PCDHGA9: variants seen among roughly 807,000 people sequenced by gnomAD.
The protein encoded by PCDHGA9 is protocadherin gamma-A9.
In PCDHGA9, 37 loss-of-function variants were observed where a neutral mutation model predicts 62.5. The ratio of observed to expected loss-of-function variants is 0.59; its 90% CI spans 0.46 to 0.78. PCDHGA9 has a LOEUF of 0.78. Among genes scored for constraint, PCDHGA9 ranks in the 30% least tolerant of loss-of-function variants. The probability of loss-of-function intolerance (pLI) is 0.00; values close to 1 mark genes in which losing one functional copy is unlikely to be tolerated. For missense variants in PCDHGA9, 1,138 were observed against 1,166.2 expected (o/e 0.98, Z 0.35); for synonymous variants, 459 against 484.6 (o/e 0.95, Z 0.69).
Position 141,489,753 on chromosome 5 carries a change from T to A in PCDHGA9, c.2425-5054T>A, listed in dbSNP as rs549652158. On this transcript the variant is annotated intron_variant, in intron 1 of 3. Transcript: ENST00000573521. The surrounding 1 kb of genome is among the most constrained non-coding windows in gnomAD (Gnocchi z 4.5). ...GCACCAATACTGTGAGCTTTTACAC[T>A]CTAAGCCCCAACAGCCACTTCTCTC... 6.2e-7 allele frequency: 1 copy of A among 1,614,070 alleles called. No homozygotes were observed. The highest frequency in any genetic ancestry group is 2.2e-5 in the East Asian group (1 of 44,866).
chr5:141,421,069 A>T, intron 1 of PCDHGA9: 1 of 598,532 alleles, frequency 1.7e-6, no homozygotes, highest in Non-Finnish European at 2.8e-6. Context: ...AAGCGGAATG[A>T]GATGGATACT....
intron 3 of PCDHGA9, among the ~76,000 whole-genome samples, chr5:141,506,485 A>C (rs2154593953): frequency 6.6e-6 from 1 of 150,572 alleles, no homozygotes; most frequent in East Asian, 2.0e-4. Flanking sequence ...CTTTAGAGGC[A>C]GGCCAATCTG....
In PCDHGA9 at chr5:141,476,853, A is replaced by G; in HGVS notation, c.2425-17954A>G. ...AATGACAATGCGCCTGTCTTCAACCAGTCCTTGTACCGGGCGCGCGTCCTG... is the reference window on the plus strand; with the variant it reads ...AATGACAATGCGCCTGTCTTCAACCGGTCCTTGTACCGGGCGCGCGTCCTG... On this transcript the variant is annotated intron_variant, in intron 1 of 3. Coordinates refer to ENST00000573521, the MANE Select transcript of PCDHGA9 (RefSeq NM_018921.3). This position sits in a 1 kb window ranked among gnomAD's most constrained non-coding sequence, Gnocchi z 7.6. The G allele has an allele frequency of 6.2e-7, 1 of 1,613,870 alleles. No individual in the cohort carries two copies. Among genetic ancestry groups the G allele is most frequent in the Non-Finnish European group, 8.5e-7 (1 of 1,180,042 alleles).
In PCDHGA9 at chr5:141,403,430, C is replaced by A; in HGVS notation, c.478C>A (p.Pro160Thr). The A allele has an allele frequency of 6.2e-7, 1 of 1,614,022 alleles. No homozygotes were observed. The highest frequency in any genetic ancestry group is 8.5e-7 in the Non-Finnish European group (1 of 1,179,898). Residue 160 changes from proline (P) to threonine (T), a missense_variant, in exon 1 of 4, where the codon CCG becomes ACG. Transcript: ENST00000573521. ...ARYPLPEAID[P>T]DVGVNSLQSY... is the part of the protein sequence containing the mutation. ...TTATCCACTTCCAGAAGCTATTGATCCGGATGTTGGCGTGAACTCCCTCCA... is the reference window on the plus strand; with the variant it reads ...TTATCCACTTCCAGAAGCTATTGATACGGATGTTGGCGTGAACTCCCTCCA...
Position 141,491,826 on chromosome 5 carries a change from C to A in PCDHGA9, c.2425-2981C>A. 1 of 1,477,526 alleles carries A rather than the reference C, an allele frequency of 6.8e-7. No homozygotes were observed. The highest frequency in any genetic ancestry group is 9.0e-7 in the Non-Finnish European group (1 of 1,114,486). The allele number at this position is 1,477,526 out of a possible 1,614,324, so 91.5% of individuals were successfully genotyped here. A position where few individuals can be genotyped will look rare whatever the true frequency, so the allele number is the denominator to read the frequency against. ...GGCTTGGTCGCTGGCTGCGCTCCAC[C>A]CGATTCTCGGGATCATTGGACCGTT... On this transcript the variant is annotated intron_variant, in intron 1 of 3. Transcript: ENST00000573521. The surrounding 1 kb of genome is among the most constrained non-coding windows in gnomAD (Gnocchi z 6.9).
At position 141,432,957 on chromosome 5, in the gene PCDHGA9, C is replaced by T. The variant is rs2097553676; in HGVS notation, c.2424+27581C>T. 1 of 1,614,190 alleles carries T rather than the reference C, an allele frequency of 6.2e-7. No individual in the cohort carries two copies. The highest frequency in any genetic ancestry group is 8.5e-7 in the Non-Finnish European group (1 of 1,180,030). ...CTGCAGGCTTCAGGAGGCGGCTTGA[C>T]AGGAGCGCCGGCGTCGCACTTTGTG... On this transcript the variant is annotated intron_variant, in intron 1 of 3. Coordinates refer to ENST00000573521, the MANE Select transcript of PCDHGA9 (RefSeq NM_018921.3). This position sits in a 1 kb window ranked among gnomAD's most constrained non-coding sequence, Gnocchi z 6.0.
At position 141,410,196 on chromosome 5, in the gene PCDHGA9, C is replaced by A. The variant is rs773310778; in HGVS notation, c.2424+4820C>A. 7.4e-6 allele frequency: 12 copies of A among 1,613,866 alleles called. No individual in the cohort carries two copies. In the South Asian group the frequency reaches 1.2e-4, roughly 16 times the overall value. On this transcript the variant is annotated intron_variant, in intron 1 of 3. Transcript: ENST00000573521. ...ACCGCCACGCTTCATCTGGTCTTCG[C>A]AGACAACTTGCAAGAGATACTGCCA... is the stretch of plus-strand genomic sequence containing the variant.
intron 1 of PCDHGA9, chr5:141,419,343 A>G: frequency 6.2e-7 from 1 of 1,613,806 alleles, no homozygotes; most frequent in East Asian, 2.2e-5. Flanking sequence ...ATTGCCAGCG[A>G]CCTGGAGTCA....
In PCDHGA9 at chr5:141,431,048, A is replaced by G; in HGVS notation, c.2424+25672A>G. The G allele has an allele frequency of 6.2e-7, 1 of 1,614,180 alleles. No homozygotes were observed. Among genetic ancestry groups the G allele is most frequent in the Non-Finnish European group, 8.5e-7 (1 of 1,180,018 alleles). The stretch of plus-strand genomic sequence containing the variant: ...CAGGATAGACCGGGAGGAGCTCTGT[A>G]TGGGGGCCATCAAGTGTCAATTAAA... On this transcript the variant is annotated intron_variant, in intron 1 of 3. Coordinates refer to ENST00000573521, the MANE Select transcript of PCDHGA9 (RefSeq NM_018921.3). This position sits in a 1 kb window ranked among gnomAD's most constrained non-coding sequence, Gnocchi z 4.8.
chr5:141,486,843 A>G lies in PCDHGA9; in HGVS notation c.2425-7964A>G, dbSNP rs1455684942. On this transcript the variant is annotated intron_variant, in intron 1 of 3. Coordinates refer to ENST00000573521, the MANE Select transcript of PCDHGA9 (RefSeq NM_018921.3). The surrounding 1 kb of genome is among the most constrained non-coding windows in gnomAD (Gnocchi z 5.0). ...GTAACAGTTCGTCTATTTGTGCTGG[A>G]CCTCAATGACAATGCTCCAGCTGTG... 6.2e-7 allele frequency: 1 copy of G among 1,614,214 alleles called. No homozygotes were observed. Among genetic ancestry groups the G allele is most frequent in the Admixed American group, 1.7e-5 (1 of 60,034 alleles).
At position 141,462,908 on chromosome 5, in the gene PCDHGA9, T is replaced by G. The variant is rs186061013; in HGVS notation, c.2425-31899T>G. ...AGTTTGTTTTGGAAGGCTATTATGT[T>G]TTTTGCAGATCAGGTTGATCTTTTC... On this transcript the variant is annotated intron_variant, in intron 1 of 3. Coordinates refer to ENST00000573521, the MANE Select transcript of PCDHGA9 (RefSeq NM_018921.3). Among the ~76,000 whole-genome samples the G allele has an allele frequency of 1.4e-4, 21 of 152,362 alleles. No individual in the cohort carries two copies. The East Asian group carries it at 3.5e-3, about 25-fold the overall frequency.
rs182282975 is a variant in PCDHGA9 at position 141,420,903 on chromosome 5, A to G, written c.2424+15527A>G. The G allele has an allele frequency of 1.7e-5, 5 of 296,804 alleles. No individual in the cohort carries two copies. In the Admixed American group the frequency reaches 1.8e-4, roughly 11 times the overall value. The allele number at this position is 296,804 out of a possible 1,614,324, so 18.4% of individuals were successfully genotyped here. On this transcript the variant is annotated intron_variant, in intron 1 of 3. Transcript: ENST00000573521. ...TGTATCATCGTTTTTAAGCTCTACA[A>G]ATACGTGTGATTCACAAAGGTGAGC...
chr5:141,490,399 C>T lies in PCDHGA9; in HGVS notation c.2425-4408C>T. The T allele has an allele frequency of 1.2e-6, 2 of 1,614,148 alleles. No homozygotes were observed. Among genetic ancestry groups the T allele is most frequent in the Non-Finnish European group, 1.7e-6 (2 of 1,180,016 alleles). On this transcript the variant is annotated intron_variant, in intron 1 of 3. Transcript: ENST00000573521. This position sits in a 1 kb window ranked among gnomAD's most constrained non-coding sequence, Gnocchi z 5.4. ...CTCAGGTAGAAATGGTGAAGTGAGC[C>T]TTGATATCTCTCCGGACCTGCCATT... is the stretch of plus-strand genomic sequence containing the variant.
chr5:141,434,768 T>C (rs6580188), intron 1 of PCDHGA9, among the ~76,000 whole-genome samples: 81,499 of 151,296 alleles, frequency 0.54, 23,977 homozygotes, highest in African/African-American at 0.79. Context: ...CACTTCACAC[T>C]TCTAAAAAAA....
intron 1 of PCDHGA9, among the ~76,000 whole-genome samples, chr5:141,425,918 C>T (rs901485843): frequency 1.1e-4 from 16 of 152,200 alleles, no homozygotes; most frequent in Admixed American, 2.0e-4. Flanking sequence ...ACAGTCACTA[C>T]GAAAACTCAT....
chr5:141,412,634 A>G (rs1322492563), intron 1 of PCDHGA9: 1 of 152,256 alleles, frequency 6.6e-6, no homozygotes, highest in African/African-American at 2.4e-5. Flanking sequence ...TTAAATTATA[A>G]GACTTTTCTG....
chr5:141,403,589 A>ACGGCCT lies in PCDHGA9; in HGVS notation c.641_646dup (p.Ala214_Ser215dup). On this transcript the variant is annotated inframe_insertion, in exon 1 of 4. Transcript: ENST00000573521. Reference sequence around the variant, plus strand: ...GGCAACTGCCCACCACCTGGTCCTCACGGCCTCGGATGGCGGCGAGCCGCG... The same window carrying ACGGCCT: ...GGCAACTGCCCACCACCTGGTCCTCACGGCCTCGGCCTCGGATGGCGGCGAGCCGCG... 1.2e-6 allele frequency: 2 copies of ACGGCCT among 1,613,812 alleles called. No homozygotes were observed. Among genetic ancestry groups the ACGGCCT allele is most frequent in the Non-Finnish European group, 1.7e-6 (2 of 1,179,880 alleles).
chr5:141,510,798 A>G, intron 3 of PCDHGA9, 149 bp from the exon 4 acceptor site: 1 of 1,474,326 alleles, frequency 6.8e-7, no homozygotes, highest in South Asian at 1.3e-5. Context: ...GTGAAGAGAG[A>G]CTACCTTGGT....
Position 141,491,916 on chromosome 5 carries a change from G to T in PCDHGA9, c.2425-2891G>T. ...GAGCACCGGGGGTGGTGGCGACTGT[G>T]GGCGAGGGGAGGTGGGACCGACCCC... On this transcript the variant is annotated intron_variant, in intron 1 of 3. Transcript: ENST00000573521. The surrounding 1 kb of genome is among the most constrained non-coding windows in gnomAD (Gnocchi z 6.9). 2 of 1,386,662 alleles carry T rather than the reference G, an allele frequency of 1.4e-6. No homozygotes were observed. Among genetic ancestry groups the T allele is most frequent in the African/African-American group, 1.5e-5 (1 of 68,510 alleles). The allele number at this position is 1,386,662 out of a possible 1,614,324, so 85.9% of individuals were successfully genotyped here.
Sources: gnomAD v4.1 joint callset for allele counts (sites outside exome capture counted in the v4.1 genomes callset) on GRCh38, gnomAD v4.1.1 for gene constraint, Gnocchi (gnomAD v3.1) non-coding constraint, MANE v1.5 for transcripts, NCBI Gene and HGNC (gene_info 2026-07-23, HGNC 2026-07-21) for gene names.